Variants in TRPC4AP observed in about 807,000 individuals in gnomAD.
The protein encoded by TRPC4AP is transient receptor potential cation channel subfamily C member 4 associated protein, also known as short transient receptor potential channel 4-associated protein.
A neutral mutation model predicts 99.0 loss-of-function variants in TRPC4AP; 45 were observed. That is an observed-to-expected ratio of 0.45 (90% CI 0.36 to 0.58). The LOEUF (loss-of-function observed/expected upper bound fraction) is 0.58, where lower values mean the gene tolerates loss of function less well. Ranked by LOEUF, TRPC4AP falls within the 20% of genes least tolerant of loss-of-function variation. The probability of loss-of-function intolerance (pLI) is 0.00; values close to 1 mark genes in which losing one functional copy is unlikely to be tolerated. For missense variants in TRPC4AP, 879 were observed against 985.3 expected (o/e 0.89, Z 1.44); for synonymous variants, 408 against 385.8 (o/e 1.06, Z -0.67).
chr20:35,079,405 T>C (rs1314284281), intron 1 of TRPC4AP, among the ~76,000 whole-genome samples: 1 of 152,124 alleles, frequency 6.6e-6, no homozygotes, highest in East Asian at 1.9e-4. Flanking sequence ...AAGCCAGAAG[T>C]GTATATCACT....
At chr20:35,037,272 A>G (rs6087662) in intron 7 of TRPC4AP, among the ~76,000 whole-genome samples, 27,814 of 147,462 alleles carry the variant, frequency 0.19, 2,636 homozygotes, top group Middle Eastern at 0.34. Context: ...GCGTGAACCC[A>G]GGAGGCAGAG....
intron 1 of TRPC4AP, among the ~76,000 whole-genome samples, chr20:35,081,570 A>T (rs1312656837): frequency 3.9e-5 from 6 of 152,064 alleles, no homozygotes; most frequent in African/African-American, 1.4e-4. Context: ...ATAAAAACAA[A>T]GTTTGTTATG....
chr20:35,012,907 C>A, intron 11 of TRPC4AP, 101 bp downstream of exon 11: 2 of 1,240,662 alleles, frequency 1.6e-6, no homozygotes, highest in Non-Finnish European at 2.4e-6. Flanking sequence ...CCACCAGCTC[C>A]AGGGCCTCCT....
intron 13 of TRPC4AP, among the ~76,000 whole-genome samples, chr20:35,008,086 C>T (rs1291389039): frequency 1.3e-5 from 2 of 152,150 alleles, no homozygotes; most frequent in South Asian, 2.1e-4. Flanking sequence ...GACCGAGGGA[C>T]CCAGAGGGCA....
At chr20:35,038,914 A>G (rs1346997575) in intron 7 of TRPC4AP, among the ~76,000 whole-genome samples, 3 of 152,214 alleles carry the variant, frequency 2.0e-5, no homozygotes, top group Non-Finnish European at 2.9e-5. Flanking sequence ...TCTACTAAAA[A>G]TACAAAAAAA....
chr20:35,005,629 AC>A lies in TRPC4AP; in HGVS notation c.1936+65del, dbSNP rs1224453246. On this transcript the variant is annotated intron_variant, in intron 16 of 18. Transcript: ENST00000252015. ...AGTCATTCTTGTCTCCCTGCTGGAGACAGGGTGTCTGATGCCAGCATTCTTA... is the reference window on the plus strand; with the variant it reads ...AGTCATTCTTGTCTCCCTGCTGGAGAAGGGTGTCTGATGCCAGCATTCTTA... The A allele has an allele frequency of 2.8e-6, 4 of 1,441,432 alleles. No homozygotes were observed. In the African/African-American group the frequency reaches 4.2e-5, roughly 15 times the overall value. 89.3% of individuals were successfully genotyped at this position (1,441,432 alleles called of 1,614,324 possible).
intron 8 of TRPC4AP, among the ~76,000 whole-genome samples, chr20:35,031,484 T>C (rs1479772417): frequency 6.8e-6 from 1 of 148,146 alleles, no homozygotes; most frequent in East Asian, 2.0e-4. Context: ...AATCCACCCT[T>C]CTTGGCTTCC....
intron 8 of TRPC4AP, among the ~76,000 whole-genome samples, chr20:35,022,847 C>T (rs6060160): frequency 6.6e-6 from 1 of 151,956 alleles, no homozygotes; most frequent in Non-Finnish European, 1.5e-5. Context: ...ACAGTGAGAC[C>T]TCATTGCTAT....
chr20:35,008,444 G>A (rs2082560467), intron 13 of TRPC4AP, among the ~76,000 whole-genome samples: 2 of 152,184 alleles, frequency 1.3e-5, no homozygotes, highest in South Asian at 4.1e-4. Flanking sequence ...CACAGAACAG[G>A]TGCTTGGTGA....
chr20:35,057,612 A>G, intron 3 of TRPC4AP, 41 bp from the exon 4 acceptor site: 1 of 1,498,618 alleles, frequency 6.7e-7, no homozygotes, highest in South Asian at 1.1e-5. Context: ...ATTAATTCAA[A>G]GTATAACTTA....
intron 9 of TRPC4AP, among the ~76,000 whole-genome samples, chr20:35,018,796 A>G (rs2082816958): frequency 6.6e-6 from 1 of 152,110 alleles, no homozygotes. Context: ...CAGCGGGTAC[A>G]GGCTCAGGCA....
intron 8 of TRPC4AP, among the ~76,000 whole-genome samples, chr20:35,033,198 G>C (rs1216067963): frequency 6.6e-6 from 1 of 152,066 alleles, no homozygotes; most frequent in Non-Finnish European, 1.5e-5. Flanking sequence ...CTCAAAAAAG[G>C]ACATTTTAAG....
chr20:35,039,288 C>A (rs1325399025), intron 7 of TRPC4AP, among the ~76,000 whole-genome samples: 1 of 152,156 alleles, frequency 6.6e-6, no homozygotes, highest in Admixed American at 6.5e-5. Context: ...GTGCCCGGTA[C>A]TCAGGGTTCT....
intron 6 of TRPC4AP, among the ~76,000 whole-genome samples, chr20:35,048,083 A>C (rs1351247562): frequency 1.3e-5 from 2 of 152,134 alleles, no homozygotes; most frequent in Non-Finnish European, 1.5e-5. Flanking sequence ...TTGATTGCCA[A>C]TCAAGTTAAA....
chr20:35,021,123 C>T (rs1479452243), intron 9 of TRPC4AP, 67 bp downstream of exon 9: 1 of 1,545,210 alleles, frequency 6.5e-7, no homozygotes, highest in Non-Finnish European at 8.8e-7. Flanking sequence ...AGTGGAGCAC[C>T]TGGCATACCA....
chr20:35,006,700 G>T, intron 14 of TRPC4AP, 125 bp from the exon 15 acceptor site: 1 of 1,283,582 alleles, frequency 7.8e-7, no homozygotes, highest in South Asian at 1.5e-5. Context: ...ACACTGTCTA[G>T]ATTCTTGTCT....
intron 3 of TRPC4AP, among the ~76,000 whole-genome samples, chr20:35,063,154 C>T (rs1006554988): frequency 7.2e-5 from 11 of 152,220 alleles, no homozygotes; most frequent in African/African-American, 2.7e-4. Flanking sequence ...TCTGGCATTT[C>T]CCCTGCTTGC....
intron 8 of TRPC4AP, among the ~76,000 whole-genome samples, chr20:35,027,735 C>T (rs576250304): frequency 6.6e-6 from 1 of 152,102 alleles, no homozygotes; most frequent in South Asian, 2.1e-4. Context: ...GAGTTAGCTG[C>T]AATAGTTTGT....
intron 3 of TRPC4AP, among the ~76,000 whole-genome samples, chr20:35,059,781 AGAT>A (rs533166755): frequency 8.7e-4 from 123 of 140,690 alleles, no homozygotes; most frequent in Non-Finnish European, 5.0e-4. Context: ...AAGACAAAGA[AGAT>A]GAAGAAGAAG....
Sources: allele counts gnomAD v4.1 joint callset (sites outside exome capture counted in the v4.1 genomes callset), GRCh38; gene constraint gnomAD v4.1.1; transcripts MANE v1.5; gene names NCBI Gene and HGNC (gene_info 2026-07-23, HGNC 2026-07-21).